Variants in TRAF3IP3 observed in about 807,000 individuals in gnomAD.
TRAF3IP3 encodes the protein TRAF3-interacting JNK-activating modulator.
Under a neutral mutation model 86.5 loss-of-function variants are expected in TRAF3IP3, and 64 were observed. The ratio of observed to expected loss-of-function variants is 0.74; its 90% CI spans 0.60 to 0.91. The LOEUF (loss-of-function observed/expected upper bound fraction) is 0.91. TRAF3IP3 is among the 40% of genes least tolerant of loss of function. TRAF3IP3 has a pLI of 0.00. For synonymous variants in TRAF3IP3, 220 were observed against 243.9 expected (o/e 0.90, Z 0.91); for missense variants, 579 against 642.9 (o/e 0.90, Z 1.07).
At chr1:209,756,652 C>T (rs1395097221) in intron 1 of TRAF3IP3, among the ~76,000 whole-genome samples, 1 of 152,252 alleles carries the variant, frequency 6.6e-6, no homozygotes, top group African/African-American at 2.4e-5. Flanking sequence ...GAACACAAGA[C>T]TGCCTTCCCA....
intron 8 of TRAF3IP3, among the ~76,000 whole-genome samples, chr1:209,771,984 T>C (rs1421284214): frequency 2.1e-5 from 3 of 140,934 alleles, no homozygotes; most frequent in East Asian, 5.9e-4. Context: ...TGGAGGTACG[T>C]GTGTGCAGGT....
intron 9 of TRAF3IP3, among the ~76,000 whole-genome samples, chr1:209,774,091 C>A (rs1479741472): frequency 6.6e-6 from 1 of 152,198 alleles, no homozygotes; most frequent in African/African-American, 2.4e-5. Context: ...ACTGCTTACA[C>A]AGTAGGTAAT....
chr1:209,769,929 C>T (rs2102466957), intron 8 of TRAF3IP3, among the ~76,000 whole-genome samples: 1 of 152,022 alleles, frequency 6.6e-6, no homozygotes, highest in Middle Eastern at 3.4e-3. Context: ...CCGCCCCCTC[C>T]CCTACACAGA....
At chr1:209,769,340 A>T (rs564316482) in intron 8 of TRAF3IP3, among the ~76,000 whole-genome samples, 1 of 152,050 alleles carries the variant, frequency 6.6e-6, no homozygotes, top group Admixed American at 6.5e-5. Context: ...CAGCCGTTTT[A>T]CCAGTTACTT....
Position 209,775,580 on chromosome 1 carries a change from C to G in TRAF3IP3, c.916-19C>G. On this transcript the variant is annotated intron_variant, in intron 10 of 16. Coordinates refer to ENST00000367025, the MANE Select transcript of TRAF3IP3 (RefSeq NM_025228.4). ...GCTGCACAACTCCCTGGAGCCCTCT[C>G]CTCTCTGATCTCCCTCAGCGATCCC... is the stretch of plus-strand genomic sequence containing the variant. 6.2e-7 allele frequency: 1 copy of G among 1,614,176 alleles called. No homozygotes were observed. Among genetic ancestry groups the G allele is most frequent in the Non-Finnish European group, 8.5e-7 (1 of 1,180,004 alleles).
chr1:209,770,681 GT>G (rs2077460005), intron 8 of TRAF3IP3, among the ~76,000 whole-genome samples: 14 of 138,380 alleles, frequency 1.0e-4, no homozygotes, highest in South Asian at 2.5e-4. Flanking sequence ...GCATATGGAG[GT>G]GTGTGTGTGC....
intron 8 of TRAF3IP3, among the ~76,000 whole-genome samples, chr1:209,766,682 G>A (rs2077362998): frequency 6.6e-6 from 1 of 152,142 alleles, no homozygotes; most frequent in Non-Finnish European, 1.5e-5. Flanking sequence ...TGGCCAACAT[G>A]GCGAAAACCC....
chr1:209,780,611 GA>G lies in TRAF3IP3; in HGVS notation c.1449+6del. 6.3e-7 allele frequency: 1 copy of G among 1,580,116 alleles called. No homozygotes were observed. Among genetic ancestry groups the G allele is most frequent in the East Asian group, 2.3e-5 (1 of 43,462 alleles). On this transcript the variant is annotated splice_donor_region_variant and intron_variant, in intron 15 of 16. Transcript: ENST00000367025. ...CTCCAGGCCAAGGAAAAGGAGGTGA[GA>G]GGGTGACCTGAGATAGTGAGGGCTC...
At chr1:209,763,040 CATT>C in intron 5 of TRAF3IP3, 25 bp from the exon 6 acceptor site, 1 of 1,613,108 alleles carries the variant, frequency 6.2e-7, no homozygotes, top group African/African-American at 1.3e-5. Flanking sequence ...GGTCCATTAT[CATT>C]ATTTTTAATT....
At chr1:209,774,394 T>C (rs1003694944) in intron 9 of TRAF3IP3, among the ~76,000 whole-genome samples, 2 of 152,172 alleles carry the variant, frequency 1.3e-5, no homozygotes, top group African/African-American at 4.8e-5. Context: ...AGTAGAATAA[T>C]AGAGGCATGC....
chr1:209,774,626 T>C (rs1437686944), intron 9 of TRAF3IP3, among the ~76,000 whole-genome samples: 4 of 152,078 alleles, frequency 2.6e-5, no homozygotes, highest in East Asian at 3.9e-4. Context: ...TCAGCTTAGG[T>C]GGAAGTAGCA....
In TRAF3IP3 at chr1:209,760,145, C is replaced by A. The variant is rs981440427; in HGVS notation, c.106C>A (p.Arg36Ser). ...AGAGATCCGTGAAAGCCGCCGCTGC[C>A]GTCCCAATGTGACCACTTGCCGCCA... ...RQEIRESRRCRPNVTTCRQVG... is the reference protein window; with the variant it reads ...RQEIRESRRCSPNVTTCRQVG... The change falls in exon 3 of 17, where the codon CGT becomes AGT. Residue 36 changes from arginine to serine, a missense_variant. Transcript: ENST00000367025. 2 of 1,614,102 alleles carry A rather than the reference C, an allele frequency of 1.2e-6. No homozygotes were observed. The highest frequency in any genetic ancestry group is 2.7e-5 in the African/African-American group (2 of 74,938).
chr1:209,762,165 T>C (rs2077257754), intron 3 of TRAF3IP3, among the ~76,000 whole-genome samples: 1 of 152,234 alleles, frequency 6.6e-6, no homozygotes, highest in African/African-American at 2.4e-5. Flanking sequence ...TCTGCAGATC[T>C]GGTGTCTGAT....
intron 8 of TRAF3IP3, among the ~76,000 whole-genome samples, chr1:209,771,702 GGTGTATGTGTGCAGGTGGAA>G (rs2077535422): frequency 7.1e-6 from 1 of 141,754 alleles, no homozygotes; most frequent in Non-Finnish European, 1.5e-5. Context: ...TGCAGGTGGA[GGTGTATGTGTGCAGGTGGAA>G]GTGTACGTGT....
At position 209,763,100 on chromosome 1, in the gene TRAF3IP3, C is replaced by T. The variant is rs778850615; in HGVS notation, c.576+8C>T. On this transcript the variant is annotated splice_region_variant and intron_variant, in intron 6 of 16. Transcript: ENST00000367025. ...GTTGCAGTTCTGGATAAGGTAAGCACATATTCACTTTGAAGGGGTCAAATC... is the reference window on the plus strand; with the variant it reads ...GTTGCAGTTCTGGATAAGGTAAGCATATATTCACTTTGAAGGGGTCAAATC... 2.5e-6 allele frequency: 4 copies of T among 1,612,702 alleles called. No individual in the cohort carries two copies. In the South Asian group the frequency reaches 3.3e-5, roughly 13 times the overall value.
At position 209,781,394 on chromosome 1, in the gene TRAF3IP3, C is replaced by A; in HGVS notation, c.1499C>A (p.Ser500Tyr). The change falls in exon 16 of 17, where the codon TCC (serine) becomes TAC (tyrosine). Residue 500 changes from serine to tyrosine, a missense_variant. Coordinates refer to ENST00000367025, the MANE Select transcript of TRAF3IP3 (RefSeq NM_025228.4). Reference sequence around the variant, plus strand: ...GACAACCTCAGTGACGAGTATCTCTCCTGCCTGCGTAAGCTGCAGCACTGT... The same window carrying A: ...GACAACCTCAGTGACGAGTATCTCTACTGCCTGCGTAAGCTGCAGCACTGT... ...ELDNLSDEYL[S>Y]CLRKLQHCRE... 1 of 1,613,768 alleles carries A rather than the reference C, an allele frequency of 6.2e-7. No individual in the cohort carries two copies. The highest frequency in any genetic ancestry group is 1.7e-4 in the Middle Eastern group (1 of 6,058).
intron 8 of TRAF3IP3, among the ~76,000 whole-genome samples, chr1:209,766,205 C>T (rs1233632703): frequency 6.6e-6 from 1 of 152,238 alleles, no homozygotes; most frequent in Admixed American, 6.5e-5. Context: ...CTGGATTTCT[C>T]AATCTGTGGT....
intron 14 of TRAF3IP3, chr1:209,779,842 T>C (rs1418808202): frequency 3.8e-6 from 1 of 260,984 alleles, no homozygotes; most frequent in Non-Finnish European, 7.3e-6. Context: ...CACGACCTTT[T>C]GTTTTCTCTT....
chr1:209,763,035 A>G (rs980659591), intron 5 of TRAF3IP3, 33 bp from the exon 6 acceptor site: 1 of 1,612,514 alleles, frequency 6.2e-7, no homozygotes, highest in African/African-American at 1.3e-5. Context: ...TCTTTGGTCC[A>G]TTATCATTAT....
Sources: allele counts gnomAD v4.1 joint callset (sites outside exome capture counted in the v4.1 genomes callset), GRCh38; gene constraint gnomAD v4.1.1; transcripts MANE v1.5; gene names NCBI Gene and HGNC (gene_info 2026-07-23, HGNC 2026-07-21).